ADK: variants seen among roughly 807,000 people sequenced by gnomAD.
The protein encoded by ADK is N6,N6-dimethyladenosine kinase.
In ADK, 24 loss-of-function variants were observed where a neutral mutation model predicts 44.7. That is an observed-to-expected ratio of 0.54 (90% CI 0.39 to 0.76). ADK has a LOEUF of 0.76. Ranked by LOEUF, ADK falls within the 30% of genes least tolerant of loss-of-function variation. ADK has a pLI of 0.00. For synonymous variants in ADK, 128 were observed against 142.6 expected (o/e 0.90, Z 0.73); for missense variants, 321 against 425.1 (o/e 0.76, Z 2.15).
At chr10:74,182,167 T>A (rs1223153042) in intron 1 of ADK, among the ~76,000 whole-genome samples, 2 of 152,200 alleles carry the variant, frequency 1.3e-5, no homozygotes, top group Admixed American at 1.3e-4. Context: ...GTTGAGTTGG[T>A]TTCTTTAGAG....
intron 1 of ADK, among the ~76,000 whole-genome samples, chr10:74,186,473 C>A (rs1487895956): frequency 7.1e-6 from 1 of 141,708 alleles, no homozygotes; most frequent in African/African-American, 2.5e-5. Flanking sequence ...GTAACAATGC[C>A]GGGGGAGTGG....
intron 6 of ADK, among the ~76,000 whole-genome samples, chr10:74,430,915 C>T (rs1232032071): frequency 1.3e-5 from 2 of 151,854 alleles, no homozygotes; most frequent in African/African-American, 2.4e-5. Context: ...TGAGCCAGGT[C>T]TATAAGATGT....
At chr10:74,570,104 G>T (rs965033787) in intron 7 of ADK, among the ~76,000 whole-genome samples, 20 of 152,090 alleles carry the variant, frequency 1.3e-4, no homozygotes, top group Admixed American at 1.3e-3. Flanking sequence ...CGTTATTTCT[G>T]AGGGCTCTGT....
At chr10:74,393,496 G>A (rs1843409318) in intron 4 of ADK, among the ~76,000 whole-genome samples, 1 of 152,130 alleles carries the variant, frequency 6.6e-6, no homozygotes, top group Non-Finnish European at 1.5e-5. Flanking sequence ...TTTTAGATAT[G>A]AGCATGTTTT....
chr10:74,242,671 T>G (rs1845261785), intron 3 of ADK, among the ~76,000 whole-genome samples: 1 of 152,236 alleles, frequency 6.6e-6, no homozygotes, highest in Non-Finnish European at 1.5e-5. Flanking sequence ...CCTGTTTGCC[T>G]GCACTGTCCT....
At chr10:74,675,416 A>G (rs1320198659) in intron 10 of ADK, among the ~76,000 whole-genome samples, 2 of 152,170 alleles carry the variant, frequency 1.3e-5, no homozygotes. Context: ...TCCAGCCTCT[A>G]CAAGCATCGC....
At chr10:74,365,177 C>G (rs1036950563) in intron 4 of ADK, among the ~76,000 whole-genome samples, 3 of 136,976 alleles carry the variant, frequency 2.2e-5, no homozygotes, top group African/African-American at 7.8e-5. Context: ...GTGGCATTTA[C>G]TGCATTCACA....
chr10:74,586,968 A>G (rs1851550972), intron 7 of ADK, among the ~76,000 whole-genome samples: 1 of 152,074 alleles, frequency 6.6e-6, no homozygotes, highest in Non-Finnish European at 1.5e-5. Context: ...ATATTTGAGC[A>G]AAACTGGACA....
chr10:74,464,839 A>AAAAAAGAG (rs1554862938), intron 6 of ADK, among the ~76,000 whole-genome samples: 1 of 150,766 alleles, frequency 6.6e-6, no homozygotes, highest in Non-Finnish European at 1.5e-5. Flanking sequence ...CTATTTAAGA[A>AAAAAAGAG]AAAAAGAGAG....
chr10:74,655,045 A>G, intron 9 of ADK: 1 of 220,442 alleles, frequency 4.5e-6, no homozygotes, highest in Non-Finnish European at 9.0e-6. Context: ...GCAGGCAGCG[A>G]CTGGCACCCC....
chr10:74,278,687 G>A (rs919837496), intron 3 of ADK, among the ~76,000 whole-genome samples: 3 of 151,684 alleles, frequency 2.0e-5, no homozygotes, highest in African/African-American at 7.3e-5. Flanking sequence ...TTAGAGTTGG[G>A]GTCTGGATAT....
chr10:74,413,380 T>C (rs1033376670), intron 6 of ADK, among the ~76,000 whole-genome samples: 3 of 152,220 alleles, frequency 2.0e-5, no homozygotes, highest in Admixed American at 2.0e-4. Context: ...GCAGCCACCT[T>C]CATCAATGAT....
intron 6 of ADK, among the ~76,000 whole-genome samples, chr10:74,435,635 G>A (rs542995020): frequency 5.9e-5 from 9 of 152,162 alleles, no homozygotes; most frequent in Admixed American, 3.3e-4. Context: ...CCTCATAATA[G>A]CAAAATCTTG....
intron 6 of ADK, among the ~76,000 whole-genome samples, chr10:74,464,232 T>C (rs923323894): frequency 6.6e-6 from 1 of 152,174 alleles, no homozygotes; most frequent in Non-Finnish European, 1.5e-5. Context: ...AAGGATATCA[T>C]GTGAGTGTGC....
chr10:74,250,529 T>TTA (rs1209013827), intron 3 of ADK, among the ~76,000 whole-genome samples: 1 of 152,170 alleles, frequency 6.6e-6, no homozygotes, highest in Non-Finnish European at 1.5e-5. Context: ...AGTTGGCTTT[T>TTA]TATTTTACAG....
chr10:74,474,021 T>A (rs1305765211), intron 6 of ADK, among the ~76,000 whole-genome samples: 1 of 152,354 alleles, frequency 6.6e-6, no homozygotes, highest in Non-Finnish European at 1.5e-5. Flanking sequence ...ACAACTATGG[T>A]GTTCTAATGG....
intron 6 of ADK, among the ~76,000 whole-genome samples, chr10:74,398,821 G>A (rs750200272): frequency 3.0e-4 from 46 of 152,080 alleles, no homozygotes; most frequent in Non-Finnish European, 5.2e-4. Flanking sequence ...ATGCATAGGT[G>A]CTTGCCAACC....
chr10:74,353,223 C>T (rs891501943), intron 4 of ADK, among the ~76,000 whole-genome samples: 5 of 152,092 alleles, frequency 3.3e-5, no homozygotes, highest in African/African-American at 9.7e-5. Flanking sequence ...GAATACTATG[C>T]AGCCATAAAA....
chr10:74,237,551 A>T (rs1388978717), intron 3 of ADK, among the ~76,000 whole-genome samples: 2 of 152,184 alleles, frequency 1.3e-5, no homozygotes, highest in Non-Finnish European at 2.9e-5. Context: ...TCTTAATGGC[A>T]TCTAGAATGA....
Sources: gnomAD v4.1 joint callset for allele counts (sites outside exome capture counted in the v4.1 genomes callset) on GRCh38, gnomAD v4.1.1 for gene constraint, MANE v1.5 for transcripts, NCBI Gene and HGNC (gene_info 2026-07-23, HGNC 2026-07-21) for gene names.